Variants in EYA4 observed in about 807,000 individuals in gnomAD.
EYA4 encodes the protein protein phosphatase EYA4.
In EYA4, 31 loss-of-function variants were observed where a neutral mutation model predicts 87.9. That is an observed-to-expected ratio of 0.35 (90% CI 0.27 to 0.48). The LOEUF (loss-of-function observed/expected upper bound fraction) is 0.48, where lower values mean the gene tolerates loss of function less well. Among genes scored for constraint, EYA4 ranks in the 20% least tolerant of loss-of-function variants. The pLI is 0.99. For synonymous variants in EYA4, 263 were observed against 270.6 expected (o/e 0.97, Z 0.28); for missense variants, 678 against 761.4 (o/e 0.89, Z 1.29).
chr6:133,462,057 G>T, intron 7 of EYA4: 1 of 442,804 alleles, frequency 2.3e-6, no homozygotes, highest in Non-Finnish European at 4.2e-6. Flanking sequence ...TTGTAGACCT[G>T]GAAGAGACAC....
At chr6:133,337,352 A>T (rs1262292574) in intron 2 of EYA4, among the ~76,000 whole-genome samples, 1 of 152,188 alleles carries the variant, frequency 6.6e-6, no homozygotes, top group Non-Finnish European at 1.5e-5. Context: ...TTAGGTGGTA[A>T]AAAATGACTG....
rs148875692 is a variant in EYA4 at position 133,258,156 on chromosome 6, T to C, written c.-66+16407T>C. Reference sequence around the variant, plus strand: ...GAGTGAATCTAGTTTGTTCAAGTGCTTGAACAAGAACTTGGCTGAAGCCCT... The same window carrying C: ...GAGTGAATCTAGTTTGTTCAAGTGCCTGAACAAGAACTTGGCTGAAGCCCT... On this transcript the variant is annotated intron_variant, in intron 1 of 19. Coordinates refer to ENST00000355286, the MANE Select transcript of EYA4 (RefSeq NM_004100.5). Among the ~76,000 whole-genome samples, 445 of 152,256 alleles carry C rather than the reference T, an allele frequency of 2.9e-3. 4 individuals are homozygous for C. Among genetic ancestry groups the C allele is most frequent in the Middle Eastern group, 3.4e-3 (1 of 294 alleles).
intron 1 of EYA4, among the ~76,000 whole-genome samples, chr6:133,261,409 G>A (rs536087808): frequency 6.6e-6 from 1 of 152,270 alleles, no homozygotes; most frequent in East Asian, 1.9e-4. Context: ...ACTGAATGCT[G>A]ATGCTTTCCT....
At chr6:133,499,614 G>A (rs1797934794) in intron 13 of EYA4, among the ~76,000 whole-genome samples, 1 of 152,046 alleles carries the variant, frequency 6.6e-6, no homozygotes. Flanking sequence ...CTTGAATTGT[G>A]AACAAAATCT....
intron 3 of EYA4, among the ~76,000 whole-genome samples, chr6:133,401,746 A>G (rs1318121179): frequency 6.6e-6 from 1 of 152,206 alleles, no homozygotes. Context: ...TTAACACTCA[A>G]TGAAAGATAG....
chr6:133,504,082 T>C (rs1455313194), intron 13 of EYA4, among the ~76,000 whole-genome samples: 1 of 152,164 alleles, frequency 6.6e-6, no homozygotes, highest in South Asian at 2.1e-4. Context: ...TGTGTCCAGC[T>C]AATTTTTGTA....
At chr6:133,313,767 G>C (rs186622872) in intron 2 of EYA4, among the ~76,000 whole-genome samples, 3 of 152,236 alleles carry the variant, frequency 2.0e-5, no homozygotes, top group African/African-American at 7.2e-5. Context: ...ACAGTTGTTA[G>C]AGTAGGACTT....
At chr6:133,247,614 C>G (rs1268562569) in intron 1 of EYA4, 1 of 152,162 alleles carries the variant, frequency 6.6e-6, no homozygotes, top group Admixed American at 6.5e-5. Context: ...TGTTAATAAC[C>G]TGTTTTACAA....
At chr6:133,421,936 T>A (rs1245125870) in intron 3 of EYA4, among the ~76,000 whole-genome samples, 2 of 152,242 alleles carry the variant, frequency 1.3e-5, no homozygotes, top group African/African-American at 4.8e-5. Context: ...GAAGATATGA[T>A]ATGCCTACAA....
chr6:133,394,322 C>A (rs1373536595), intron 3 of EYA4, among the ~76,000 whole-genome samples: 1 of 71,552 alleles, frequency 1.4e-5, no homozygotes, highest in Non-Finnish European at 2.1e-5. Flanking sequence ...TTTTTTTGGT[C>A]ATCGAATGAT....
chr6:133,461,738 A>G (rs1265393147), intron 7 of EYA4, among the ~76,000 whole-genome samples: 1 of 151,046 alleles, frequency 6.6e-6, no homozygotes, highest in Non-Finnish European at 1.5e-5. Flanking sequence ...CTTTACATAT[A>G]TATAGACTGA....
intron 3 of EYA4, among the ~76,000 whole-genome samples, chr6:133,427,712 T>G (rs895190954): frequency 2.0e-5 from 3 of 152,078 alleles, no homozygotes; most frequent in Non-Finnish European, 2.9e-5. Context: ...GTGACATAGT[T>G]CCAGTTGAAT....
intron 1 of EYA4, among the ~76,000 whole-genome samples, chr6:133,254,388 C>G (rs1001965094): frequency 2.0e-5 from 3 of 152,038 alleles, no homozygotes; most frequent in African/African-American, 7.2e-5. Context: ...CCAGATGTAT[C>G]TATTAAAAAT....
At chr6:133,268,540 AG>A (rs916207557) in intron 1 of EYA4, among the ~76,000 whole-genome samples, 3 of 152,178 alleles carry the variant, frequency 2.0e-5, no homozygotes, top group Non-Finnish European at 4.4e-5. Flanking sequence ...GGGAGAATAG[AG>A]GGATTGACAT....
At chr6:133,286,027 G>A (rs1170750702) in intron 2 of EYA4, among the ~76,000 whole-genome samples, 2 of 152,140 alleles carry the variant, frequency 1.3e-5, no homozygotes, top group Non-Finnish European at 2.9e-5. Flanking sequence ...GTTCAGCAGG[G>A]CCATATAACT....
intron 2 of EYA4, among the ~76,000 whole-genome samples, chr6:133,356,540 T>C (rs1784047062): frequency 6.6e-6 from 1 of 152,190 alleles, no homozygotes; most frequent in East Asian, 1.9e-4. Context: ...ATGAAAGTTA[T>C]GCAGAAGATA....
chr6:133,299,715 AAAAT>A (rs1319339005), intron 2 of EYA4, among the ~76,000 whole-genome samples: 1 of 26,452 alleles, frequency 3.8e-5, no homozygotes, highest in Non-Finnish European at 8.0e-5. Flanking sequence ...CTGTCTCAAA[AAAAT>A]AAAATAAAAT....
At chr6:133,465,147 T>C (rs1201834484) in intron 10 of EYA4, among the ~76,000 whole-genome samples, 1 of 152,138 alleles carries the variant, frequency 6.6e-6, no homozygotes. Flanking sequence ...TATTTTGCTA[T>C]CTTAAAATAT....
chr6:133,367,616 A>G (rs952860498), intron 2 of EYA4, among the ~76,000 whole-genome samples: 10 of 152,194 alleles, frequency 6.6e-5, no homozygotes, highest in South Asian at 6.2e-4. Flanking sequence ...GCTGACTCTC[A>G]TAGATTGATG....
Sources: gnomAD v4.1 joint callset for allele counts (sites outside exome capture counted in the v4.1 genomes callset) on GRCh38, gnomAD v4.1.1 for gene constraint, MANE v1.5 for transcripts, NCBI Gene and HGNC (gene_info 2026-07-23, HGNC 2026-07-21) for gene names.